JADE2: variants seen among roughly 807,000 people sequenced by gnomAD.
The protein encoded by JADE2 is jade family PHD finger 2.
JADE2 carries 13 observed loss-of-function variants against 85.7 expected under a neutral mutation model. That is an observed-to-expected ratio of 0.15 (90% CI 0.10 to 0.24). The LOEUF is 0.24. Among genes scored for constraint, JADE2 ranks in the 10% least tolerant of loss-of-function variants. The pLI, the probability that JADE2 is intolerant of heterozygous loss-of-function variation, is 1.00. For synonymous variants in JADE2, 440 were observed against 456.1 expected, an observed-to-expected ratio of 0.96 and a Z score of 0.45; for missense variants, 846 against 1,115.9, an observed-to-expected ratio of 0.76 and a Z score of 3.45.
chr5:134,566,118 T>C lies in JADE2; in HGVS notation c.972T>C (p.Cys324=). 6.2e-7 allele frequency: 1 copy of C among 1,611,798 alleles called. No homozygotes were observed. The highest frequency in any genetic ancestry group is 8.5e-7 in the Non-Finnish European group (1 of 1,178,560). The change falls in exon 9 of 12, where the codon TGT becomes TGC. Residue 324 remains cysteine, a splice_region_variant and synonymous_variant. Transcript: ENST00000681547. The surrounding 1 kb of genome is among the most constrained non-coding windows in gnomAD (Gnocchi z 6.7). ...CKECTGTCIQ[C]SMPSCVTAFH... Reference sequence around the variant, plus strand: ...TCCTGCCCCTCCTTTCCCCTCAGTGTTCCATGCCTTCCTGCGTCACAGCGT... The same window carrying C: ...TCCTGCCCCTCCTTTCCCCTCAGTGCTCCATGCCTTCCTGCGTCACAGCGT...
intron 8 of JADE2, among the ~76,000 whole-genome samples, chr5:134,565,739 A>C (rs1182769843): frequency 1.3e-5 from 2 of 151,700 alleles, no homozygotes; most frequent in Non-Finnish European, 2.9e-5. Flanking sequence ...AGGCTGAGGC[A>C]GGAGAATCGC....
intron 4 of JADE2, among the ~76,000 whole-genome samples, chr5:134,556,832 ACAC>A (rs1474338309): frequency 1.4e-5 from 2 of 145,008 alleles, no homozygotes; most frequent in Non-Finnish European, 3.0e-5. Flanking sequence ...ATGCACACAC[ACAC>A]ATCACACAGC....
At chr5:134,552,939 G>A (rs1387834561) in intron 4 of JADE2, among the ~76,000 whole-genome samples, 1 of 145,778 alleles carries the variant, frequency 6.9e-6, no homozygotes, top group Admixed American at 7.1e-5. Context: ...GCTGGCCTCC[G>A]AAAGTGCTGG....
At chr5:134,560,040 T>C in intron 5 of JADE2, 50 bp downstream of exon 5, 1 of 1,602,532 alleles carries the variant, frequency 6.2e-7, no homozygotes, top group South Asian at 1.1e-5. Flanking sequence ...CAGGGAGGGT[T>C]TTCTCCCCAT....
intron 3 of JADE2, among the ~76,000 whole-genome samples, chr5:134,539,359 G>A (rs1454600395): frequency 4.6e-5 from 7 of 152,024 alleles, no homozygotes; most frequent in East Asian, 1.9e-4. Context: ...CACCGCGCCC[G>A]GCCTAATTTT....
chr5:134,535,900 TCTGACACCA>T lies in JADE2; in HGVS notation c.50_58del (p.Thr17_Asp19del). 6.2e-7 allele frequency: 1 copy of T among 1,613,808 alleles called. No individual in the cohort carries two copies. ...AAAATACTCCATCAGCAGTGACAAC[TCTGACACCA>T]CTGACAGTAAGGCCTTCCAGTTTGG... On this transcript the variant is annotated inframe_deletion, in exon 2 of 12. Coordinates refer to ENST00000681547, the MANE Select transcript of JADE2 (RefSeq NM_001388185.1).
chr5:134,552,041 G>GC lies in JADE2; in HGVS notation c.154-7dup. The GC allele has an allele frequency of 3.7e-6, 6 of 1,614,132 alleles. No homozygotes were observed. The highest frequency in any genetic ancestry group is 5.1e-6 in the Non-Finnish European group (6 of 1,180,012). ...GTCTGAAGTCACTCTTTCCCCTCTTGCCCCTCACAGGTTTTCCGGACAGAC... is the reference window on the plus strand; with the variant it reads ...GTCTGAAGTCACTCTTTCCCCTCTTGCCCCCTCACAGGTTTTCCGGACAGAC... On this transcript the variant is annotated splice_polypyrimidine_tract_variant and intron_variant, in intron 3 of 11. Transcript: ENST00000681547.
chr5:134,533,860 C>T (rs115990901), intron 1 of JADE2, among the ~76,000 whole-genome samples: 4,025 of 151,718 alleles, frequency 0.027, 128 homozygotes, highest in Admixed American at 0.11. Context: ...TATCCTCTCA[C>T]CTCAGCCTCC....
chr5:134,566,006 T>G lies in JADE2; in HGVS notation c.970-110T>G, dbSNP rs969438385. 6 of 929,382 alleles carry G rather than the reference T, an allele frequency of 6.5e-6. No individual in the cohort carries two copies. In the African/African-American group the frequency reaches 1.0e-4, roughly 15 times the overall value. 57.6% of individuals were successfully genotyped at this position (929,382 alleles called of 1,614,324 possible). A position where few individuals can be genotyped will look rare whatever the true frequency, so the allele number is the denominator to read the frequency against. On this transcript the variant is annotated intron_variant, in intron 8 of 11. Coordinates refer to ENST00000681547, the MANE Select transcript of JADE2 (RefSeq NM_001388185.1). The surrounding 1 kb of genome is among the most constrained non-coding windows in gnomAD (Gnocchi z 6.7). ...GGGAGCCCATGCCATTCTGTTTAGG[T>G]TCTCTCCAGCATTGCGCATTCTCAG...
rs549563745 is a variant in JADE2, at chr5:134,535,686, G to C, written c.1-172G>C. ...AGCCTTTTAGAATCCCAGGGCCTCT[G>C]TGGGTGGGTGGGAGAGGGTGGTGCT... On this transcript the variant is annotated intron_variant, in intron 1 of 11. Coordinates refer to ENST00000681547, the MANE Select transcript of JADE2 (RefSeq NM_001388185.1). Among the ~76,000 whole-genome samples the C allele has an allele frequency of 2.0e-5, 3 of 152,228 alleles. No homozygotes were observed. In the South Asian group the frequency reaches 6.2e-4, roughly 32 times the overall value.
At chr5:134,576,940 C>T (rs1167809667) in intron 11 of JADE2, 44 bp downstream of exon 11, 1 of 1,497,082 alleles carries the variant, frequency 6.7e-7, no homozygotes, top group Non-Finnish European at 8.9e-7. Flanking sequence ...CAGGCTTGAC[C>T]ATCACCACGC....
chr5:134,569,368 G>A (rs954382029), intron 9 of JADE2, among the ~76,000 whole-genome samples: 1 of 152,196 alleles, frequency 6.6e-6, no homozygotes, highest in African/African-American at 2.4e-5. Flanking sequence ...AACAGGAGCC[G>A]GGGCTGCTGC....
intron 9 of JADE2, among the ~76,000 whole-genome samples, chr5:134,568,002 GTCT>G (rs1241814860): frequency 2.0e-5 from 3 of 152,216 alleles, no homozygotes; most frequent in Non-Finnish European, 1.5e-5. Flanking sequence ...TGCTTCCAGA[GTCT>G]TCTTTAGGCC....
chr5:134,548,122 G>C (rs1762396864), intron 3 of JADE2, among the ~76,000 whole-genome samples: 1 of 152,244 alleles, frequency 6.6e-6, no homozygotes, highest in Non-Finnish European at 1.5e-5. Context: ...GGGCCTCATT[G>C]GCTCTGCAGT....
intron 5 of JADE2, 73 bp downstream of exon 5, chr5:134,560,063 A>G (rs747378372): frequency 1.4e-5 from 21 of 1,551,316 alleles, no homozygotes; most frequent in Non-Finnish European, 1.8e-5. Context: ...CGAGAGGGAC[A>G]GTGGCCCAGG....
At chr5:134,561,045 G>GTCCACAGTGCCCC in intron 6 of JADE2, 88 bp downstream of exon 6, 3 of 1,099,220 alleles carry the variant, frequency 2.7e-6, no homozygotes, top group Non-Finnish European at 4.0e-6. Flanking sequence ...CAGGGGCACT[G>GTCCACAGTGCCCC]TGGACAGAAG....
chr5:134,554,499 A>G (rs571687237), intron 4 of JADE2, among the ~76,000 whole-genome samples: 2 of 152,230 alleles, frequency 1.3e-5, no homozygotes, highest in Admixed American at 1.3e-4. Context: ...GGCCTGGGTA[A>G]TTAATTGCAG....
At chr5:134,563,388 G>A (rs534012468) in intron 7 of JADE2, among the ~76,000 whole-genome samples, 1 of 152,186 alleles carries the variant, frequency 6.6e-6, no homozygotes, top group Non-Finnish European at 1.5e-5. Flanking sequence ...CTATGGCTGC[G>A]GCTAGGATGG....
intron 7 of JADE2, 134 bp from the exon 8 acceptor site, chr5:134,564,360 A>G: frequency 1.8e-6 from 1 of 559,400 alleles, no homozygotes; most frequent in African/African-American, 1.9e-5. Context: ...GTCAGGAGGG[A>G]CTTGGGATTC....
Sources: allele counts gnomAD v4.1 joint callset (sites outside exome capture counted in the v4.1 genomes callset), GRCh38; gene constraint gnomAD v4.1.1; non-coding constraint Gnocchi (gnomAD v3.1); transcripts MANE v1.5; gene names NCBI Gene and HGNC (gene_info 2026-07-23, HGNC 2026-07-21).